The following PARD3B variants were observed in gnomAD, a reference collection of about 807,000 sequenced individuals.
PARD3B encodes partitioning defective 3 homolog B.
A neutral mutation model predicts 130.2 loss-of-function variants in PARD3B; 103 were observed. The ratio of observed to expected loss-of-function variants is 0.79; its 90% confidence interval spans 0.67 to 0.93. The LOEUF (loss-of-function observed/expected upper bound fraction) is 0.93, where lower values mean the gene tolerates loss of function less well. Among genes scored for constraint, PARD3B ranks in the 40% least tolerant of loss-of-function variants. The pLI is 0.00. For missense variants in PARD3B, 1,609 were observed against 1,499.2 expected, an observed-to-expected ratio of 1.07 and a Z score of -1.21; for synonymous variants, 583 against 553.2, an observed-to-expected ratio of 1.05 and a Z score of -0.76.
At chr2:205,191,602 A>G (rs1399967376) in intron 14 of PARD3B, among the ~76,000 whole-genome samples, 2 of 152,208 alleles carry the variant, frequency 1.3e-5, no homozygotes, top group Admixed American at 6.5e-5. Flanking sequence ...TAACTTACCT[A>G]ATTTATCTGT....
At chr2:204,555,154 C>T (rs2030831964) in intron 1 of PARD3B, among the ~76,000 whole-genome samples, 3 of 152,194 alleles carry the variant, frequency 2.0e-5, no homozygotes, top group Non-Finnish European at 4.4e-5. Context: ...TAAGCAAGTC[C>T]TCTCCACTAA....
At chr2:205,468,947 G>A (rs979123013) in intron 20 of PARD3B, among the ~76,000 whole-genome samples, 1 of 151,648 alleles carries the variant, frequency 6.6e-6, no homozygotes, top group Non-Finnish European at 1.5e-5. Flanking sequence ...AGTGACCACA[G>A]TACCATTTTT....
At chr2:204,980,802 G>A (rs1253189456) in intron 3 of PARD3B, among the ~76,000 whole-genome samples, 1 of 152,182 alleles carries the variant, frequency 6.6e-6, no homozygotes, top group Non-Finnish European at 1.5e-5. Flanking sequence ...CAGACCAGAA[G>A]AGACTGAGAA....
At chr2:204,817,871 G>C (rs981156144) in intron 2 of PARD3B, among the ~76,000 whole-genome samples, 2 of 151,998 alleles carry the variant, frequency 1.3e-5, no homozygotes, top group African/African-American at 4.8e-5. Context: ...TTTTTTGCTT[G>C]ATAGGTATCT....
intron 18 of PARD3B, among the ~76,000 whole-genome samples, chr2:205,379,682 CA>C (rs139434527): frequency 7.5e-4 from 114 of 151,878 alleles, no homozygotes; most frequent in Non-Finnish European, 1.5e-3. Context: ...AATTGGCAAA[CA>C]AAAAAAGTGG....
At chr2:205,423,549 C>G (rs2047044561) in intron 19 of PARD3B, among the ~76,000 whole-genome samples, 2 of 152,196 alleles carry the variant, frequency 1.3e-5, no homozygotes, top group South Asian at 4.1e-4. Flanking sequence ...TTCTCCAGAA[C>G]AAAGTCCCAT....
rs2030736377 is a variant in PARD3B at position 205,121,644 on chromosome 2, T to C, written c.860T>C (p.Val287Ala). ...AAATCTCCAAGTGTGCTCCTCCACG[T>C]GCTTCCTCCACAAAACCGTGAACAG... is the stretch of plus-strand genomic sequence containing the variant. Reference protein sequence around the residue: ...AMKSPSVLLHVLPPQNREQYE... With the variant: ...AMKSPSVLLHALPPQNREQYE... Residue 287 changes from valine to alanine, a missense_variant, in exon 8 of 23, where the codon GTG (valine) becomes GCG (alanine). Transcript: ENST00000406610. The surrounding 1 kb of genome is among the most constrained non-coding windows in gnomAD (Gnocchi z 5.0). The C allele has an allele frequency of 1.2e-6, 2 of 1,614,064 alleles. No individual in the cohort carries two copies. Among genetic ancestry groups the C allele is most frequent in the African/African-American group, 1.3e-5 (1 of 74,922 alleles).
At chr2:204,823,589 A>G (rs962455370) in intron 2 of PARD3B, among the ~76,000 whole-genome samples, 5 of 152,102 alleles carry the variant, frequency 3.3e-5, no homozygotes, top group African/African-American at 1.2e-4. Flanking sequence ...GGGGAGCTGT[A>G]TTCTGCTTAT....
intron 18 of PARD3B, among the ~76,000 whole-genome samples, chr2:205,383,113 T>TAGATAGATAGATAGATAGAGAGAG (rs1186717819): frequency 3.3e-5 from 5 of 149,450 alleles, no homozygotes; most frequent in Admixed American, 1.4e-4. Flanking sequence ...GATAGATAGA[T>TAGATAGATAGATAGATAGAGAGAG]AGATAGATAG....
intron 22 of PARD3B, among the ~76,000 whole-genome samples, chr2:205,554,720 T>C (rs2052801950): frequency 6.6e-6 from 1 of 152,220 alleles, no homozygotes; most frequent in South Asian, 2.1e-4. Flanking sequence ...GTACTGATTA[T>C]GTACAAACTT....
chr2:205,318,721 A>T (rs1377108975), intron 18 of PARD3B, among the ~76,000 whole-genome samples: 1 of 152,154 alleles, frequency 6.6e-6, no homozygotes, highest in Non-Finnish European at 1.5e-5. Context: ...AAATGCAGAC[A>T]TGGGGACATG....
chr2:205,238,549 G>A (rs1402237752), intron 15 of PARD3B, among the ~76,000 whole-genome samples: 1 of 151,858 alleles, frequency 6.6e-6, no homozygotes, highest in Admixed American at 6.6e-5. Flanking sequence ...AAATATTTCT[G>A]GGCTGGGTGC....
chr2:204,698,211 G>A (rs1233092203), intron 2 of PARD3B, among the ~76,000 whole-genome samples: 1 of 152,090 alleles, frequency 6.6e-6, no homozygotes, highest in African/African-American at 2.4e-5. Context: ...TACCCTGTTA[G>A]AGAAGCTTAG....
At chr2:205,005,972 C>T (rs1695230446) in intron 3 of PARD3B, among the ~76,000 whole-genome samples, 1 of 152,140 alleles carries the variant, frequency 6.6e-6, no homozygotes, top group African/African-American at 2.4e-5. Flanking sequence ...TCCTAACTTC[C>T]CCGCACTGAG....
intron 2 of PARD3B, among the ~76,000 whole-genome samples, chr2:204,956,637 C>T (rs115167574): frequency 8.5e-5 from 13 of 152,148 alleles, no homozygotes; most frequent in South Asian, 2.1e-4. Context: ...AAAAATTAGT[C>T]TATGTAGCTA....
intron 1 of PARD3B, among the ~76,000 whole-genome samples, chr2:204,563,214 GCTGTCTCT>G (rs2031433008): frequency 1.8e-5 from 1 of 55,022 alleles, no homozygotes; most frequent in African/African-American, 5.8e-5. Context: ...CCGTCTTCCC[GCTGTCTCT>G]CTCTCTCTCT....
At chr2:205,377,324 G>C (rs12994868) in intron 18 of PARD3B, among the ~76,000 whole-genome samples, 1 of 152,204 alleles carries the variant, frequency 6.6e-6, no homozygotes, top group Non-Finnish European at 1.5e-5. Flanking sequence ...TTCTGACTCA[G>C]AGTTCTGATT....
intron 2 of PARD3B, among the ~76,000 whole-genome samples, chr2:204,811,838 GT>G (rs2042972939): frequency 6.6e-6 from 1 of 151,720 alleles, no homozygotes; most frequent in South Asian, 2.1e-4. Flanking sequence ...AAAAACTAAT[GT>G]TTGCATAAAC....
intron 2 of PARD3B, among the ~76,000 whole-genome samples, chr2:204,787,547 A>G (rs572142318): frequency 1.9e-4 from 29 of 152,250 alleles, no homozygotes; most frequent in African/African-American, 6.7e-4. Context: ...GGATTTCTGG[A>G]GAGTCGACAT....
Sources: allele counts gnomAD v4.1 joint callset (sites outside exome capture counted in the v4.1 genomes callset), GRCh38; gene constraint gnomAD v4.1.1; non-coding constraint Gnocchi (gnomAD v3.1); transcripts MANE v1.5; gene names NCBI Gene and HGNC (gene_info 2026-07-23, HGNC 2026-07-21).